Variants in AKNA observed in about 807,000 individuals in gnomAD.
AKNA encodes AT-hook transcription factor.
A neutral mutation model predicts 138.8 loss-of-function variants in AKNA; 67 were observed. The ratio of observed to expected loss-of-function variants is 0.48; its 90% CI spans 0.40 to 0.59. The LOEUF (loss-of-function observed/expected upper bound fraction) is 0.59. AKNA is among the 20% of genes least tolerant of loss of function. AKNA has a pLI of 0.00. For missense variants in AKNA, 1,813 were observed against 1,880.4 expected (o/e 0.96, Z 0.66); for synonymous variants, 737 against 754.4 (o/e 0.98, Z 0.38).
Position 114,341,995 on chromosome 9 carries a change from G to A in AKNA, c.3874+14C>T, listed in dbSNP as rs1247391946. The A allele has an allele frequency of 6.2e-7, 1 of 1,602,974 alleles. No homozygotes were observed. Among genetic ancestry groups the A allele is most frequent in the Non-Finnish European group, 8.5e-7 (1 of 1,169,992 alleles). ...GAGGGTCTGGCTAAGAGAAGAAACA[G>A]TATTTGTCCCTACCAGAGGTGGCTG... On this transcript the variant is annotated intron_variant, in intron 20 of 21. Transcript: ENST00000374088.
chr9:114,356,929 ACAAAGCCACTGT>A lies in AKNA; in HGVS notation c.2768_2779del (p.Asp923_Phe926del), dbSNP rs771862689. The A allele has an allele frequency of 6.3e-7, 1 of 1,575,358 alleles. No individual in the cohort carries two copies. The highest frequency in any genetic ancestry group is 1.2e-5 in the South Asian group (1 of 85,444). ...TGAAACTCTGCTTGTTTCTGAGCCC[ACAAAGCCACTGT>A]CTGTCTCTGGGGACGCCATCCAGGT... On this transcript the variant is annotated inframe_deletion, in exon 13 of 22. Coordinates refer to ENST00000374088, the MANE Select transcript of AKNA (RefSeq NM_001317950.2).
chr9:114,395,531 C>T (rs1174228570), upstream of AKNA, among the ~76,000 whole-genome samples: 3 of 152,036 alleles, frequency 2.0e-5, no homozygotes, highest in Non-Finnish European at 2.9e-5. Flanking sequence ...GGGGCTGCTG[C>T]ACTGCATAAC....
chr9:114,343,706 A>G lies in AKNA; in HGVS notation c.3757+2T>C. On this transcript the variant is annotated splice_donor_variant, in intron 19 of 21. Coordinates refer to ENST00000374088, the MANE Select transcript of AKNA (RefSeq NM_001317950.2). LOFTEE classifies it high-confidence loss of function. ...GCCAGTTTTCCAGGTGCCATTCCTT[A>G]CCCGCATCCTGGGTCCTAATGGGCC... 6.2e-7 allele frequency: 1 copy of G among 1,614,130 alleles called. No homozygotes were observed. Among genetic ancestry groups the G allele is most frequent in the Non-Finnish European group, 8.5e-7 (1 of 1,179,964 alleles).
At position 114,336,791 on chromosome 9, in the gene AKNA, T is replaced by G. The variant is rs1212258653; in HGVS notation, c.*263A>C. 3 of 412,714 alleles carry G rather than the reference T, an allele frequency of 7.3e-6. No individual in the cohort carries two copies. The highest frequency in any genetic ancestry group is 2.0e-5 in the African/African-American group (1 of 49,308). The allele number at this position is 412,714 out of a possible 1,614,324, so 25.6% of individuals were successfully genotyped here. On this transcript the variant is annotated 3_prime_UTR_variant, in exon 22 of 22. Coordinates refer to ENST00000374088, the MANE Select transcript of AKNA (RefSeq NM_001317950.2). ...GACCAGGAGAGACTGCCTGAGGTTC[T>G]GCCTGGACCGAAGGAGGCCTCGCTC...
chr9:114,376,687 CATCTTTGGGGA>C lies in AKNA; in HGVS notation c.1109_1119del (p.Phe370Ter). The C allele has an allele frequency of 6.2e-7, 1 of 1,612,954 alleles. No homozygotes were observed. The highest frequency in any genetic ancestry group is 8.5e-7 in the Non-Finnish European group (1 of 1,179,614). On this transcript the variant is annotated frameshift_variant, in exon 3 of 22. Coordinates refer to ENST00000374088, the MANE Select transcript of AKNA (RefSeq NM_001317950.2). LOFTEE classifies it high-confidence loss of function. ...CTGGACTTGGGGGGACGGTAGCTCT[CATCTTTGGGGA>C]ATCTCACCCGGGGCCCTACCTTGGA...
At chr9:114,360,201 T>C (rs947181941) in intron 9 of AKNA, 139 bp from the exon 10 acceptor site, 7 of 999,404 alleles carry the variant, frequency 7.0e-6, no homozygotes, top group Non-Finnish European at 1.0e-5. Context: ...CACCCTTTTA[T>C]GTATGTGTAA....
intron 3 of AKNA, 95 bp downstream of exon 3, chr9:114,376,371 C>G: frequency 7.4e-7 from 1 of 1,346,652 alleles, no homozygotes; most frequent in Non-Finnish European, 1.0e-6. Context: ...TCCACCCCAG[C>G]CAGCCTCTAC....
At position 114,357,941 on chromosome 9, in the gene AKNA, C is replaced by T. The variant is rs370410683; in HGVS notation, c.2719G>A (p.Gly907Ser). The T allele has an allele frequency of 1.9e-6, 3 of 1,599,344 alleles. No individual in the cohort carries two copies. The highest frequency in any genetic ancestry group is 2.6e-6 in the Non-Finnish European group (3 of 1,175,634). Residue 907 changes from glycine (G) to serine (S), a missense_variant, in exon 12 of 22, where the codon GGC becomes AGC. By Grantham distance (56) the Gly-to-Ser change is moderately conservative. Coordinates refer to ENST00000374088, the MANE Select transcript of AKNA (RefSeq NM_001317950.2). ...ERLPQKPLHRGGGPHLEETWM... is the reference protein window; with the variant it reads ...ERLPQKPLHRSGGPHLEETWM... ...CTTACCTCCAGGTGGGGCCCACCGC[C>T]TCGGTGCAAAGGCTTCTGTGGAAGG...
upstream of AKNA, among the ~76,000 whole-genome samples, chr9:114,398,146 G>A (rs1240620109): frequency 6.6e-6 from 1 of 152,086 alleles, no homozygotes; most frequent in Non-Finnish European, 1.5e-5. The surrounding 1 kb of genome is among the most constrained non-coding windows in gnomAD (Gnocchi z 4.2). Context: ...TTGTGCAGAG[G>A]TGGAGACTGA....
chr9:114,387,256 AG>A (rs1326570714), intron 1 of AKNA, among the ~76,000 whole-genome samples: 1 of 152,168 alleles, frequency 6.6e-6, no homozygotes, highest in Non-Finnish European at 1.5e-5. Context: ...TAGTCCCACA[AG>A]GAAGCACCAG....
At position 114,377,038 on chromosome 9, in the gene AKNA, C is replaced by A; in HGVS notation, c.769G>T (p.Ala257Ser). The A allele has an allele frequency of 6.2e-7, 1 of 1,614,046 alleles. No individual in the cohort carries two copies. The highest frequency in any genetic ancestry group is 1.1e-5 in the South Asian group (1 of 91,080). The change falls in exon 3 of 22, where the codon GCA becomes TCA. Residue 257 changes from alanine (A) to serine (S), a missense_variant. Coordinates refer to ENST00000374088, the MANE Select transcript of AKNA (RefSeq NM_001317950.2). The part of the protein sequence containing the change: ...DGRTGGSVAR[A>S]TPMEFQDSSA... ...GAGTCCTGGAATTCCATGGGGGTTG[C>A]CCGAGCAACACTGCCTCCAGTTCTG...
rs547992376 is a variant in AKNA at position 114,341,734 on chromosome 9, G to C, written c.3875-9C>G. On this transcript the variant is annotated splice_polypyrimidine_tract_variant and intron_variant, in intron 20 of 21. Transcript: ENST00000374088. ...GGTGGCCTTCTCTGCCCCTATCAGG[G>C]AGGGAACAGCACAGAGAGACAGAGT... 9 of 1,555,672 alleles carry C rather than the reference G, an allele frequency of 5.8e-6. No individual in the cohort carries two copies. Among genetic ancestry groups the C allele is most frequent in the Admixed American group, 2.0e-5 (1 of 50,178 alleles).
At position 114,367,425 on chromosome 9, in the gene AKNA, GC is replaced by G. The variant is rs566219935; in HGVS notation, c.1728+117del. On this transcript the variant is annotated intron_variant, in intron 6 of 21. Coordinates refer to ENST00000374088, the MANE Select transcript of AKNA (RefSeq NM_001317950.2). ...TTGGGGATGGCTGAGTTAACTCGGT[GC>G]AGAGGCAGGGGAATGACAAGTGAGA... 452 of 1,275,690 alleles carry G rather than the reference GC, an allele frequency of 3.5e-4. 3 individuals are homozygous for G. In the Admixed American group the frequency reaches 0.01, roughly 29 times the overall value. 79.0% of individuals were successfully genotyped at this position (1,275,690 alleles called of 1,614,324 possible). A position where few individuals can be genotyped will look rare whatever the true frequency, so the allele number is the denominator to read the frequency against.
intron 4 of AKNA, among the ~76,000 whole-genome samples, chr9:114,373,501 G>T (rs1471356699): frequency 6.6e-6 from 1 of 152,160 alleles, no homozygotes; most frequent in African/African-American, 2.4e-5. Flanking sequence ...CGTCCTTAAG[G>T]TCACACAGCT....
chr9:114,346,632 G>A, intron 17 of AKNA, 37 bp downstream of exon 17: 2 of 1,528,000 alleles, frequency 1.3e-6, no homozygotes, highest in Non-Finnish European at 1.8e-6. Context: ...CTCAGACTGT[G>A]GCCTCTGGAA....
At position 114,364,611 on chromosome 9, in the gene AKNA, G is replaced by T; in HGVS notation, c.1737C>A (p.Ser579=). The stretch of plus-strand genomic sequence containing the variant: ...GTCCTGCCTGTATCAGTCTTTCAAA[G>T]GACTCCACCTGGACATTGGGAGGGG... ...QASQFLAKVE[S]FERLIQAGRL... Residue 579 remains serine (S), a synonymous_variant, in exon 7 of 22, where the codon TCC becomes TCA. Transcript: ENST00000374088. The T allele has an allele frequency of 6.2e-7, 1 of 1,613,930 alleles. No homozygotes were observed. The highest frequency in any genetic ancestry group is 8.5e-7 in the Non-Finnish European group (1 of 1,180,006).
chr9:114,386,644 CCTT>C (rs1452916135), intron 1 of AKNA, among the ~76,000 whole-genome samples: 2 of 152,142 alleles, frequency 1.3e-5, no homozygotes, highest in Non-Finnish European at 2.9e-5. Flanking sequence ...ACTGCACCCT[CCTT>C]CTGCACATCT....
chr9:114,364,061 T>C (rs930467660), intron 7 of AKNA, among the ~76,000 whole-genome samples: 1 of 152,058 alleles, frequency 6.6e-6, no homozygotes, highest in African/African-American at 2.4e-5. Flanking sequence ...TTTTGGCAAC[T>C]ATTTTGTAAT....
intron 19 of AKNA, 88 bp downstream of exon 19, chr9:114,343,620 G>A (rs1368564245): frequency 7.3e-7 from 1 of 1,372,516 alleles, no homozygotes; most frequent in East Asian, 2.3e-5. Flanking sequence ...TTCAGGGCAG[G>A]CCAGATCTTG....
Sources: allele counts gnomAD v4.1 joint callset (sites outside exome capture counted in the v4.1 genomes callset), GRCh38; gene constraint gnomAD v4.1.1; non-coding constraint Gnocchi (gnomAD v3.1); transcripts MANE v1.5; gene names NCBI Gene and HGNC (gene_info 2026-07-23, HGNC 2026-07-21).